PDE10A: variants seen among roughly 807,000 people sequenced by gnomAD.
PDE10A encodes cAMP and cAMP-inhibited cGMP 3',5'-cyclic phosphodiesterase 10A.
A neutral mutation model predicts 97.7 loss-of-function variants in PDE10A; 39 were observed. The observed-to-expected ratio is 0.40, with a 90% CI of 0.31 to 0.52. The LOEUF (loss-of-function observed/expected upper bound fraction) is 0.52, where lower values mean the gene tolerates loss of function less well. Among genes scored for constraint, PDE10A ranks in the 20% least tolerant of loss-of-function variants. PDE10A has a pLI of 0.56. For missense variants in PDE10A, 731 were observed against 1,047.8 expected, an observed-to-expected ratio of 0.70 and a Z score of 4.17; for synonymous variants, 371 against 376.8, an observed-to-expected ratio of 0.98 and a Z score of 0.18.
Position 165,484,384 on chromosome 6 carries a change from A to T in PDE10A, c.995-2041T>A, listed in dbSNP as rs569775002. Among the ~76,000 whole-genome samples, 8 of 152,336 alleles carry T rather than the reference A, an allele frequency of 5.3e-5. No homozygotes were observed. The East Asian group carries it at 1.5e-3, about 29-fold the overall frequency. ...GGGCGAAGCTTCATCCGTATTCACA[A>T]CTGCTCTCTGTCACTGCGTTACTGC... is the stretch of plus-strand genomic sequence containing the variant. On this transcript the variant is annotated intron_variant, in intron 2 of 21. Transcript: ENST00000539869.
chr6:165,668,984 C>T (rs1259420152), intron 1 of PDE10A, among the ~76,000 whole-genome samples: 3 of 152,160 alleles, frequency 2.0e-5, no homozygotes, highest in East Asian at 1.9e-4. Flanking sequence ...CCTCCTCAGC[C>T]GCTGATGCCT....
rs575235376 is a variant in PDE10A at position 165,563,617 on chromosome 6, C to G, written c.866-20049G>C. Among the ~76,000 whole-genome samples, 8 of 152,218 alleles carry G rather than the reference C, an allele frequency of 5.3e-5. No homozygotes were observed. In the East Asian group the frequency reaches 1.5e-3, roughly 29 times the overall value. On this transcript the variant is annotated intron_variant, in intron 1 of 21. Transcript: ENST00000539869. ...CAAAAATGGTAGATACAGCTGGGTG[C>G]AGTGGCTCACATCTGTAATCCCAGC...
chr6:165,731,072 G>A (rs1792422844), intron 1 of PDE10A, among the ~76,000 whole-genome samples: 1 of 152,146 alleles, frequency 6.6e-6, no homozygotes, highest in Non-Finnish European at 1.5e-5. Flanking sequence ...TTAAAAAAAT[G>A]TCAATTGTAC....
At chr6:165,739,728 T>G (rs917741800) in intron 1 of PDE10A, among the ~76,000 whole-genome samples, 18 of 152,220 alleles carry the variant, frequency 1.2e-4, no homozygotes, top group African/African-American at 2.6e-4. Flanking sequence ...ATACATCCTA[T>G]AAGGGGTTAA....
At chr6:165,364,451 A>T (rs1278647271) in intron 18 of PDE10A, among the ~76,000 whole-genome samples, 1 of 152,222 alleles carries the variant, frequency 6.6e-6, no homozygotes, top group African/African-American at 2.4e-5. Context: ...TGTGAGAAGT[A>T]ACCTTTTATA....
At chr6:165,744,182 T>C (rs1056231796) in intron 1 of PDE10A, among the ~76,000 whole-genome samples, 5 of 152,248 alleles carry the variant, frequency 3.3e-5, no homozygotes, top group African/African-American at 1.2e-4. Flanking sequence ...TTCATTTTTA[T>C]AAGGACAATT....
intron 1 of PDE10A, among the ~76,000 whole-genome samples, chr6:165,980,029 G>A (rs77459212): frequency 0.039 from 5,874 of 152,202 alleles, 180 homozygotes; most frequent in Non-Finnish European, 0.055. Context: ...ATGCAACACC[G>A]CCCATCCCAA....
At chr6:165,768,173 A>G (rs961681840) in intron 1 of PDE10A, among the ~76,000 whole-genome samples, 4 of 152,154 alleles carry the variant, frequency 2.6e-5, no homozygotes, top group African/African-American at 9.7e-5. Flanking sequence ...AGCTCTTTAT[A>G]TATTTTGTAC....
chr6:165,352,585 G>A (rs1390350077), intron 18 of PDE10A, among the ~76,000 whole-genome samples: 3 of 151,310 alleles, frequency 2.0e-5, no homozygotes, highest in African/African-American at 2.4e-5. Context: ...TAAACAACAA[G>A]CATTTTAAAA....
chr6:165,920,062 A>G (rs1025680174), intron 1 of PDE10A, among the ~76,000 whole-genome samples: 1 of 152,186 alleles, frequency 6.6e-6, no homozygotes, highest in Non-Finnish European at 1.5e-5. Flanking sequence ...TGCCTGTTTT[A>G]TAAAGAAAGT....
At chr6:165,363,671 G>A (rs1783571525) in intron 18 of PDE10A, among the ~76,000 whole-genome samples, 1 of 152,182 alleles carries the variant, frequency 6.6e-6, no homozygotes, top group South Asian at 2.1e-4. Context: ...GAAGAAATGA[G>A]TTCATTAAGG....
intron 1 of PDE10A, among the ~76,000 whole-genome samples, chr6:165,599,276 C>T (rs540954921): frequency 2.0e-5 from 3 of 152,320 alleles, no homozygotes; most frequent in Non-Finnish European, 2.9e-5. Flanking sequence ...AAACGTAAGC[C>T]TTCACCTTTA....
At chr6:165,945,033 C>A (rs112549037) in intron 1 of PDE10A, among the ~76,000 whole-genome samples, 1 of 152,274 alleles carries the variant, frequency 6.6e-6, no homozygotes, top group African/African-American at 2.4e-5. Context: ...GTGTTCACAT[C>A]CCCCATGTTG....
intron 1 of PDE10A, among the ~76,000 whole-genome samples, chr6:165,570,852 T>C (rs901590451): frequency 6.6e-6 from 1 of 152,216 alleles, no homozygotes; most frequent in African/African-American, 2.4e-5. Context: ...CTTGCTCCTA[T>C]TGGAAATACA....
At chr6:165,936,102 G>A (rs1451635409) in intron 1 of PDE10A, among the ~76,000 whole-genome samples, 1 of 152,174 alleles carries the variant, frequency 6.6e-6, no homozygotes, top group Non-Finnish European at 1.5e-5. Flanking sequence ...TAATAATGAG[G>A]GAAAGAAGCA....
At chr6:165,873,402 C>T (rs376182506) in intron 1 of PDE10A, among the ~76,000 whole-genome samples, 1 of 152,118 alleles carries the variant, frequency 6.6e-6, no homozygotes, top group East Asian at 1.9e-4. Context: ...ACTTGCTCTG[C>T]GGGGAAGGTC....
chr6:165,811,615 G>A (rs1031114797), intron 1 of PDE10A, among the ~76,000 whole-genome samples: 7 of 152,274 alleles, frequency 4.6e-5, no homozygotes, highest in East Asian at 3.9e-4. Context: ...GACAGACTCC[G>A]GCCTCCCTGT....
intron 1 of PDE10A, among the ~76,000 whole-genome samples, chr6:165,558,939 C>T (rs1784392224): frequency 6.7e-6 from 1 of 148,474 alleles, no homozygotes; most frequent in Non-Finnish European, 1.5e-5. Context: ...TACCCTAAAA[C>T]TTAAAGTATA....
At chr6:165,861,706 A>ACCCC (rs1233520607) in intron 1 of PDE10A, among the ~76,000 whole-genome samples, 82 of 152,056 alleles carry the variant, frequency 5.4e-4, no homozygotes, top group East Asian at 4.3e-3. Context: ...AAGGGAAGGG[A>ACCCC]GTGACGGGTT....
Sources: gnomAD v4.1 joint callset for allele counts (sites outside exome capture counted in the v4.1 genomes callset) on GRCh38, gnomAD v4.1.1 for gene constraint, MANE v1.5 for transcripts, NCBI Gene and HGNC (gene_info 2026-07-23, HGNC 2026-07-21) for gene names.